The following PHGDH variants were observed in gnomAD, a reference collection of about 807,000 sequenced individuals.
The protein encoded by PHGDH is D-3-phosphoglycerate dehydrogenase.
In PHGDH, 50 loss-of-function variants were observed where a neutral mutation model predicts 52.6. The ratio of observed to expected loss-of-function variants is 0.95; its 90% confidence interval spans 0.76 to 1.20. PHGDH has a LOEUF of 1.20. Ranked by LOEUF, PHGDH falls within the 50% of genes most tolerant of loss-of-function variation. PHGDH has a pLI of 0.00. For synonymous variants in PHGDH, 271 were observed against 280.5 expected (o/e 0.97, Z 0.34); for missense variants, 630 against 684.6 (o/e 0.92, Z 0.89).
At chr1:119,712,187 T>G (rs1472384134) in intron 1 of PHGDH, 27 bp downstream of exon 1, 5 of 1,604,610 alleles carry the variant, frequency 3.1e-6, no homozygotes, top group Non-Finnish European at 4.3e-6. Flanking sequence ...AAAATTGAGG[T>G]CTCTAGGGCA....
intron 7 of PHGDH, among the ~76,000 whole-genome samples, chr1:119,736,578 A>T (rs1042238946): frequency 6.6e-6 from 1 of 152,168 alleles, no homozygotes; most frequent in Non-Finnish European, 1.5e-5. Flanking sequence ...CAGATGGGCA[A>T]CCTGTCCTGA....
At chr1:119,727,321 TG>T in intron 5 of PHGDH, 1 of 585,452 alleles carries the variant, frequency 1.7e-6, no homozygotes, top group Non-Finnish European at 3.1e-6. Context: ...TTTAGCTCTC[TG>T]GTGAGTGAAT....
intron 1 of PHGDH, chr1:119,720,133 A>G (rs1236829998): frequency 6.6e-6 from 1 of 152,200 alleles, no homozygotes; most frequent in Non-Finnish European, 1.5e-5. Context: ...TCTGTGTTTG[A>G]GCAAGAATAT....
In PHGDH at chr1:119,734,765, A is replaced by G; in HGVS notation, c.642A>G (p.Thr214=). ...TVHTPLLPST[T]GLLNDNTFAQ... ...ACACTCCTCTCCTGCCCTCCACGACAGGTAGGTGTGTCCTTACATTGTGGA... is the reference window on the plus strand; with the variant it reads ...ACACTCCTCTCCTGCCCTCCACGACGGGTAGGTGTGTCCTTACATTGTGGA... The change falls in exon 6 of 12, where the codon ACA becomes ACG. Residue 214 remains threonine (T), a splice_region_variant and synonymous_variant. Coordinates refer to ENST00000641023, the MANE Select transcript of PHGDH (RefSeq NM_006623.4). The G allele has an allele frequency of 6.2e-7, 1 of 1,614,082 alleles. No homozygotes were observed. Among genetic ancestry groups the G allele is most frequent in the Non-Finnish European group, 8.5e-7 (1 of 1,179,984 alleles).
At chr1:119,726,290 A>C (rs1651411342) in intron 3 of PHGDH, among the ~76,000 whole-genome samples, 1 of 151,914 alleles carries the variant, frequency 6.6e-6, no homozygotes. Context: ...CATTCAGGAC[A>C]GAATGGAAGT....
chr1:119,718,968 C>T (rs1373342891), intron 1 of PHGDH, among the ~76,000 whole-genome samples: 1 of 151,970 alleles, frequency 6.6e-6, no homozygotes, highest in African/African-American at 2.4e-5. Flanking sequence ...CAAATGTTTC[C>T]TGGAAGATAA....
chr1:119,728,634 C>T (rs758916846), intron 5 of PHGDH, among the ~76,000 whole-genome samples: 9 of 152,128 alleles, frequency 5.9e-5, no homozygotes, highest in Admixed American at 1.3e-4. Flanking sequence ...CCCACTTGGG[C>T]TAATCCAGGA....
chr1:119,743,240 C>T (rs1286298363), intron 11 of PHGDH, among the ~76,000 whole-genome samples, 196 bp downstream of exon 11: 1 of 152,220 alleles, frequency 6.6e-6, no homozygotes, highest in Non-Finnish European at 1.5e-5. Context: ...GGGAAAGTGC[C>T]TTATCCAGGG....
chr1:119,735,148 A>C lies in PHGDH; in HGVS notation c.644-147A>C, dbSNP rs1651874828. On this transcript the variant is annotated intron_variant, in intron 6 of 11. Coordinates refer to ENST00000641023, the MANE Select transcript of PHGDH (RefSeq NM_006623.4). Reference sequence around the variant, plus strand: ...CCTGCCCCAGAGCATCTGAGGAGGAAGAGATGAGAGCAAAGAGGCTGCCGT... The same window carrying C: ...CCTGCCCCAGAGCATCTGAGGAGGACGAGATGAGAGCAAAGAGGCTGCCGT... 2.6e-5 allele frequency: 26 copies of C among 998,344 alleles called. No homozygotes were observed. In the South Asian group the frequency reaches 2.9e-4, roughly 11 times the overall value. 61.8% of individuals were successfully genotyped at this position (998,344 alleles called of 1,614,324 possible). A position where few individuals can be genotyped will look rare whatever the true frequency, so the allele number is the denominator to read the frequency against.
chr1:119,733,128 G>GAGTGT (rs1255436177), intron 5 of PHGDH, among the ~76,000 whole-genome samples: 6 of 152,162 alleles, frequency 3.9e-5, no homozygotes, highest in Non-Finnish European at 8.8e-5. Flanking sequence ...AGCGTTCTGA[G>GAGTGT]CTGGAGGTTC....
chr1:119,729,672 A>G (rs1250895760), intron 5 of PHGDH: 1 of 152,066 alleles, frequency 6.6e-6, no homozygotes, highest in African/African-American at 2.4e-5. Flanking sequence ...CCAACTCTCT[A>G]CCCTGGGATG....
chr1:119,723,984 G>A (rs981851448), intron 3 of PHGDH, among the ~76,000 whole-genome samples: 1 of 152,032 alleles, frequency 6.6e-6, no homozygotes, highest in Non-Finnish European at 1.5e-5. Flanking sequence ...GTCCTTGTGT[G>A]TTCTGTGGGT....
At position 119,733,807 on chromosome 1, in the gene PHGDH, A is replaced by G. The variant is rs942764197; in HGVS notation, c.511-827A>G. Reference sequence around the variant, plus strand: ...TGCTGTGTATTCTTTGTTTTTGTCTAATCCTGGGCTCACTCTTTACATTCT... The same window carrying G: ...TGCTGTGTATTCTTTGTTTTTGTCTGATCCTGGGCTCACTCTTTACATTCT... On this transcript the variant is annotated intron_variant, in intron 5 of 11. Coordinates refer to ENST00000641023, the MANE Select transcript of PHGDH (RefSeq NM_006623.4). Among the ~76,000 whole-genome samples the G allele has an allele frequency of 6.6e-5, 10 of 152,188 alleles. 1 individual carries two copies. The highest frequency in any genetic ancestry group is 5.2e-4 in the Admixed American group (8 of 15,282).
At chr1:119,728,447 TATG>T (rs1195292603) in intron 5 of PHGDH, among the ~76,000 whole-genome samples, 5 of 152,222 alleles carry the variant, frequency 3.3e-5, no homozygotes, top group African/African-American at 1.2e-4. Context: ...GTATGTACAC[TATG>T]ATATGATTGT....
At chr1:119,717,112 A>G (rs1292518133) in intron 1 of PHGDH, among the ~76,000 whole-genome samples, 1 of 151,588 alleles carries the variant, frequency 6.6e-6, no homozygotes. Flanking sequence ...CATGCCTATA[A>G]TCCCAGCTAC....
intron 2 of PHGDH, chr1:119,721,528 C>A (rs916285584): frequency 1.7e-6 from 1 of 571,512 alleles, no homozygotes; most frequent in Non-Finnish European, 3.1e-6. Context: ...ACCACTATAT[C>A]ACCAATGCCA....
intron 1 of PHGDH, among the ~76,000 whole-genome samples, chr1:119,712,865 G>C (rs1650761884): frequency 6.6e-6 from 1 of 152,232 alleles, no homozygotes; most frequent in African/African-American, 2.4e-5. Flanking sequence ...AAAGGGAGGC[G>C]GGCGGGGAGC....
At chr1:119,718,881 A>G (rs1236993083) in intron 1 of PHGDH, among the ~76,000 whole-genome samples, 1 of 152,202 alleles carries the variant, frequency 6.6e-6, no homozygotes, top group Admixed American at 6.5e-5. Context: ...GAGGACAACT[A>G]GATATGAAAC....
chr1:119,736,376 A>C (rs1201144297), intron 7 of PHGDH, among the ~76,000 whole-genome samples: 1 of 152,202 alleles, frequency 6.6e-6, no homozygotes, highest in Non-Finnish European at 1.5e-5. Flanking sequence ...ACATGGTTAC[A>C]TGTGGCCGGG....
Sources: gnomAD v4.1 joint callset for allele counts (sites outside exome capture counted in the v4.1 genomes callset) on GRCh38, gnomAD v4.1.1 for gene constraint, MANE v1.5 for transcripts, NCBI Gene and HGNC (gene_info 2026-07-23, HGNC 2026-07-21) for gene names.